Variants in CCNT2 observed in about 807,000 individuals in gnomAD.
The protein encoded by CCNT2 is cyclin T2.
Under a neutral mutation model 70.0 loss-of-function variants are expected in CCNT2, and 18 were observed. The observed-to-expected ratio is 0.26, with a 90% confidence interval of 0.18 to 0.38. CCNT2 has a LOEUF of 0.38. CCNT2 is among the 10% of genes least tolerant of loss of function. The probability of loss-of-function intolerance (pLI) is 1.00; values close to 1 mark genes in which losing one functional copy is unlikely to be tolerated. For synonymous variants in CCNT2, 334 were observed against 313.3 expected (o/e 1.07, Z -0.70); for missense variants, 734 against 890.2 (o/e 0.82, Z 2.23).
intron 7 of CCNT2, among the ~76,000 whole-genome samples, chr2:134,949,984 A>G (rs1682341845): frequency 6.6e-6 from 1 of 152,018 alleles, no homozygotes; most frequent in South Asian, 2.1e-4. Flanking sequence ...TAGTAGAGAT[A>G]GGGTTTTCAC....
chr2:134,922,416 T>A lies in CCNT2; in HGVS notation c.240+2525T>A, dbSNP rs150923870. On this transcript the variant is annotated intron_variant, in intron 2 of 8. Transcript: ENST00000264157. ...AAAACCCCCAAAAGTAATGTGCTGC[T>A]GTATTAATATTTAAGAATAAAATCA... 6.7e-4 allele frequency among the ~76,000 whole-genome samples: 102 copies of A among 152,348 alleles called. 1 individual carries two copies. In the East Asian group the frequency reaches 0.016, roughly 23 times the overall value.
chr2:134,944,070 G>T, intron 5 of CCNT2: 3 of 984,960 alleles, frequency 3.0e-6, no homozygotes, highest in African/African-American at 3.5e-5. Flanking sequence ...AATCTAATTT[G>T]TATTTTTTTG....
intron 6 of CCNT2, 108 bp downstream of exon 6, chr2:134,946,254 C>A: frequency 2.9e-6 from 4 of 1,366,074 alleles, no homozygotes; most frequent in Non-Finnish European, 4.1e-6. Context: ...GGAGACTGGA[C>A]CATCTACTGT....
At chr2:134,930,683 CT>C (rs537992624) in intron 2 of CCNT2, among the ~76,000 whole-genome samples, 5 of 151,664 alleles carry the variant, frequency 3.3e-5, no homozygotes, top group African/African-American at 1.2e-4. Context: ...CTTTTCTCGT[CT>C]TTTTTTTATC....
intron 5 of CCNT2, chr2:134,944,286 T>C: frequency 5.1e-6 from 5 of 983,592 alleles, no homozygotes; most frequent in Non-Finnish European, 6.0e-6. Context: ...AGCTAAACTT[T>C]GTAAGCATTG....
At chr2:134,942,815 T>C (rs1272538771) in intron 5 of CCNT2, 141 bp downstream of exon 5, 1 of 1,408,192 alleles carries the variant, frequency 7.1e-7, no homozygotes, top group African/African-American at 1.5e-5. Flanking sequence ...AGCATTACTT[T>C]TTAGTGTTCT....
At position 134,954,240 on chromosome 2, in the gene CCNT2, A is replaced by G. The variant is rs888113386; in HGVS notation, c.1785A>G (p.Pro595=). The change falls in exon 9 of 9, where the codon CCA becomes CCG. Residue 595 remains proline, a synonymous_variant. Transcript: ENST00000264157. ...GTAAACACAGTGCCGACGGAATACCACCCACTGTTCTGAGGAGTCCTGTTG... is the reference window on the plus strand; with the variant it reads ...GTAAACACAGTGCCGACGGAATACCGCCCACTGTTCTGAGGAGTCCTGTTG... ...GGSKHSADGI[P]PTVLRSPVGL... 2 of 1,614,058 alleles carry G rather than the reference A, an allele frequency of 1.2e-6. No individual in the cohort carries two copies. The highest frequency in any genetic ancestry group is 2.7e-5 in the African/African-American group (2 of 74,994).
At chr2:134,942,587 G>A (rs201839049) in intron 4 of CCNT2, 25 bp from the exon 5 acceptor site, 371 of 1,586,428 alleles carry the variant, frequency 2.3e-4, no homozygotes, top group Non-Finnish European at 3.1e-4. Context: ...TAAGAGATTG[G>A]AAAAAAAAGT....
intron 4 of CCNT2, among the ~76,000 whole-genome samples, chr2:134,942,216 T>C (rs1266896298): frequency 1.3e-5 from 2 of 151,720 alleles, no homozygotes; most frequent in African/African-American, 2.4e-5. Context: ...CCAACAGTTA[T>C]GTTTATGAAA....
intron 2 of CCNT2, among the ~76,000 whole-genome samples, chr2:134,922,133 AC>A (rs1294242624): frequency 6.6e-6 from 1 of 152,218 alleles, no homozygotes; most frequent in Non-Finnish European, 1.5e-5. Flanking sequence ...ATTATTCCAC[AC>A]CAGTGGGAAA....
intron 5 of CCNT2, chr2:134,945,387 G>C (rs1681877442): frequency 1.0e-6 from 1 of 985,300 alleles, no homozygotes; most frequent in Non-Finnish European, 1.2e-6. Flanking sequence ...AGAATAAGGG[G>C]AGGGAAAACT....
chr2:134,927,728 A>G (rs1486892327), intron 2 of CCNT2, among the ~76,000 whole-genome samples: 1 of 152,212 alleles, frequency 6.6e-6, no homozygotes, highest in Non-Finnish European at 1.5e-5. Flanking sequence ...ATCCAATTAG[A>G]TAACTGCATT....
At chr2:134,931,262 CT>C (rs112471982) in intron 2 of CCNT2, among the ~76,000 whole-genome samples, 2,624 of 42,398 alleles carry the variant, frequency 0.062, 35 homozygotes, top group African/African-American at 0.1. Flanking sequence ...ATGCCCGGAT[CT>C]TTTTTTTTTT....
chr2:134,953,422 C>G lies in CCNT2; in HGVS notation c.967C>G (p.Gln323Glu), dbSNP rs74513762. The change falls in exon 9 of 9, where the codon CAA (glutamine) becomes GAA (glutamate). Residue 323 changes from glutamine to glutamate, a missense_variant. Around this residue, in one of 3 missense-constraint regions of CCNT2, gnomAD observed 532 missense variants for 556.9 expected, o/e 0.96. Coordinates refer to ENST00000264157, the MANE Select transcript of CCNT2 (RefSeq NM_058241.3). Reference protein sequence around the residue: ...VPLNSGNISVQDSHTSDNLSM... With the variant: ...VPLNSGNISVEDSHTSDNLSM... Reference sequence around the variant, plus strand: ...TCTAAATTCAGGAAATATTTCTGTTCAAGACAGCCATACATCTGATAATTT... The same window carrying G: ...TCTAAATTCAGGAAATATTTCTGTTGAAGACAGCCATACATCTGATAATTT... 6.2e-7 allele frequency: 1 copy of G among 1,609,698 alleles called. No individual in the cohort carries two copies. The highest frequency in any genetic ancestry group is 1.7e-5 in the Admixed American group (1 of 59,656).
chr2:134,941,392 A>G (rs1239143104), intron 4 of CCNT2, among the ~76,000 whole-genome samples: 3 of 152,218 alleles, frequency 2.0e-5, no homozygotes, highest in African/African-American at 4.8e-5. Context: ...AATACAGTAT[A>G]TGATACATAT....
At chr2:134,938,945 G>A (rs1681362302) in intron 3 of CCNT2, 57 bp from the exon 4 acceptor site, 3 of 1,068,556 alleles carry the variant, frequency 2.8e-6, no homozygotes, top group African/African-American at 3.2e-5. Flanking sequence ...TAACAGTCAT[G>A]CAGTCTAGTA....
intron 2 of CCNT2, among the ~76,000 whole-genome samples, chr2:134,923,839 T>A (rs1162222476): frequency 1.3e-5 from 2 of 152,224 alleles, no homozygotes; most frequent in African/African-American, 4.8e-5. Context: ...GTTCTCACTT[T>A]TTCCTGTTCT....
rs1245600769 is a variant in CCNT2 at position 134,958,065 on chromosome 2, C to T, written c.*3417C>T. The T allele has an allele frequency of 1.3e-5, 2 of 152,142 alleles. No homozygotes were observed. The highest frequency in any genetic ancestry group is 2.4e-5 in the African/African-American group (1 of 41,434). The allele number at this position is 152,142 out of a possible 1,614,324, so 9.4% of individuals were successfully genotyped here. On this transcript the variant is annotated 3_prime_UTR_variant, in exon 9 of 9. Transcript: ENST00000264157. ...TCTATTTGAGAACTTAAATTGCTGACTTGTATTCGTTAAGCAACCTTAGAA... is the reference window on the plus strand; with the variant it reads ...TCTATTTGAGAACTTAAATTGCTGATTTGTATTCGTTAAGCAACCTTAGAA...
chr2:134,953,483 A>G lies in CCNT2; in HGVS notation c.1028A>G (p.Tyr343Cys), dbSNP rs780261527. 1 of 1,614,076 alleles carries G rather than the reference A, an allele frequency of 6.2e-7. No individual in the cohort carries two copies. The highest frequency in any genetic ancestry group is 2.2e-5 in the East Asian group (1 of 44,892). The change falls in exon 9 of 9, where the codon TAC (tyrosine) becomes TGC (cysteine). Residue 343 changes from tyrosine (Y) to cysteine (C), a missense_variant. Tyr to Cys is a radical substitution (Grantham distance 194, BLOSUM62 -2). This residue lies in a region of CCNT2 where 532 missense variants were observed against 556.9 expected (regional missense o/e 0.96). Transcript: ENST00000264157. ...GCAACAGGAATGCCAAGTACTTCATACGGTTTATCATCACACCAGGAATGG... is the reference window on the plus strand; with the variant it reads ...GCAACAGGAATGCCAAGTACTTCATGCGGTTTATCATCACACCAGGAATGG... The part of the protein sequence containing the change: ...MLATGMPSTS[Y>C]GLSSHQEWPQ...
Sources: allele counts gnomAD v4.1 joint callset (sites outside exome capture counted in the v4.1 genomes callset), GRCh38; gene constraint gnomAD v4.1.1; regional missense constraint gnomAD v4.1.1; transcripts MANE v1.5; gene names NCBI Gene and HGNC (gene_info 2026-07-23, HGNC 2026-07-21).